The following DCAF13 variants were observed in gnomAD, a reference collection of about 807,000 sequenced individuals.
DCAF13 encodes the protein DDB1- and CUL4-associated factor 13.
DCAF13 carries 38 observed loss-of-function variants against 59.0 expected under a neutral mutation model. The ratio of observed to expected loss-of-function variants is 0.64; its 90% CI spans 0.50 to 0.84. The LOEUF is 0.84. DCAF13 is among the 40% of genes least tolerant of loss of function. The pLI, the probability that DCAF13 is intolerant of heterozygous loss-of-function variation, is 0.00. For synonymous variants in DCAF13, 173 were observed against 175.0 expected, an observed-to-expected ratio of 0.99 and a Z score of 0.09; for missense variants, 469 against 558.4, an observed-to-expected ratio of 0.84 and a Z score of 1.61.
At chr8:103,416,577 A>C (rs905176233) in intron 1 of DCAF13, among the ~76,000 whole-genome samples, 1 of 152,190 alleles carries the variant, frequency 6.6e-6, no homozygotes. Flanking sequence ...TTCACCGAAC[A>C]GTAATCTGTT....
chr8:103,420,739 A>C, intron 2 of DCAF13: 1 of 581,930 alleles, frequency 1.7e-6, no homozygotes, highest in Non-Finnish European at 3.0e-6. Context: ...TCAACACCTA[A>C]TTTCCTACTA....
At chr8:103,426,721 T>C (rs1374293695) in intron 4 of DCAF13, among the ~76,000 whole-genome samples, 1 of 152,144 alleles carries the variant, frequency 6.6e-6, no homozygotes, top group African/African-American at 2.4e-5. Flanking sequence ...GATTTAATCT[T>C]TAAATTAAAT....
chr8:103,432,938 G>T (rs1204181574), intron 7 of DCAF13, among the ~76,000 whole-genome samples, 197 bp downstream of exon 7: 1 of 152,122 alleles, frequency 6.6e-6, no homozygotes, highest in Admixed American at 6.6e-5. Flanking sequence ...TATTTAGAAT[G>T]ATGTAGACCA....
At chr8:103,430,161 C>T in intron 5 of DCAF13, 1 of 152,780 alleles carries the variant, frequency 6.5e-6, no homozygotes, top group South Asian at 2.1e-4. Context: ...GAGGCTGAGG[C>T]AGGTGGCTCA....
chr8:103,443,281 A>G lies in DCAF13; in HGVS notation c.*399A>G, dbSNP rs571744345. 6.5e-6 allele frequency: 1 copy of G among 153,028 alleles called. No homozygotes were observed. The highest frequency in any genetic ancestry group is 1.9e-4 in the East Asian group (1 of 5,234). 9.5% of individuals were successfully genotyped at this position (153,028 alleles called of 1,614,324 possible). On this transcript the variant is annotated 3_prime_UTR_variant, in exon 11 of 11. Coordinates refer to ENST00000612750, the MANE Select transcript of DCAF13 (RefSeq NM_015420.7). ...GATGTTTCTTCCTGTGATTCCACAT[A>G]ACATTTAGAATAATGATGTCAATTT...
intron 9 of DCAF13, 84 bp from the exon 10 acceptor site, chr8:103,441,370 AG>A: frequency 1.5e-6 from 2 of 1,297,858 alleles, no homozygotes; most frequent in Non-Finnish European, 2.1e-6. Context: ...AGATTAGGTT[AG>A]GGGGAAAAGG....
At chr8:103,436,082 G>A (rs1816928727) in intron 8 of DCAF13, among the ~76,000 whole-genome samples, 1 of 152,110 alleles carries the variant, frequency 6.6e-6, no homozygotes, top group South Asian at 2.1e-4. Context: ...GAAAAGTACA[G>A]TAAAAATCCA....
chr8:103,425,791 T>A (rs902753028), intron 3 of DCAF13, among the ~76,000 whole-genome samples: 2 of 152,224 alleles, frequency 1.3e-5, no homozygotes, highest in Non-Finnish European at 2.9e-5. Flanking sequence ...ATGCCATGTT[T>A]ATCACAATAT....
chr8:103,440,381 A>G, intron 9 of DCAF13, 110 bp downstream of exon 9: 1 of 972,122 alleles, frequency 1.0e-6, no homozygotes, highest in Non-Finnish European at 1.5e-6. Flanking sequence ...GATTAAATTG[A>G]CATAGCTGTG....
chr8:103,417,042 T>G (rs1159936552), intron 1 of DCAF13, among the ~76,000 whole-genome samples: 1 of 152,190 alleles, frequency 6.6e-6, no homozygotes, highest in Non-Finnish European at 1.5e-5. Context: ...ATGGACATTA[T>G]CATTTTGGGT....
Position 103,442,957 on chromosome 8 carries a change from G to A in DCAF13, c.*75G>A. 2 of 1,028,472 alleles carry A rather than the reference G, an allele frequency of 1.9e-6. No homozygotes were observed. Among genetic ancestry groups the A allele is most frequent in the Non-Finnish European group, 2.8e-6 (2 of 703,320 alleles). 63.7% of individuals were successfully genotyped at this position (1,028,472 alleles called of 1,614,324 possible). ...GAGAACTCTACAAATAAAAGTGCTG[G>A]GACTAGATTAATTGCAAACATTTTA... is the stretch of plus-strand genomic sequence containing the variant. On this transcript the variant is annotated 3_prime_UTR_variant, in exon 11 of 11. Transcript: ENST00000612750.
At chr8:103,419,354 A>G (rs909617086) in intron 1 of DCAF13, among the ~76,000 whole-genome samples, 1 of 152,172 alleles carries the variant, frequency 6.6e-6, no homozygotes, top group Non-Finnish European at 1.5e-5. Flanking sequence ...GTGAGATAGT[A>G]ATAGAACTTA....
rs368488034 is a variant in DCAF13 at position 103,415,765 on chromosome 8, G to T, written c.70+249G>T. On this transcript the variant is annotated intron_variant, in intron 1 of 10. Transcript: ENST00000612750. ...GTGGGAAACAGTTGTCTATAGTGGA[G>T]AAAAATTCCAGCTGCTGCTCTGGGA... is the stretch of plus-strand genomic sequence containing the variant. 1.4e-4 allele frequency among the ~76,000 whole-genome samples: 22 copies of T among 152,312 alleles called. No homozygotes were observed. In the East Asian group the frequency reaches 3.3e-3, roughly 23 times the overall value.
At chr8:103,435,945 G>A (rs1450724113) in intron 8 of DCAF13, among the ~76,000 whole-genome samples, 155 bp downstream of exon 8, 1 of 152,134 alleles carries the variant, frequency 6.6e-6, no homozygotes, top group South Asian at 2.1e-4. Context: ...GCACACCTAG[G>A]CTGTGTGGTC....
intron 1 of DCAF13, among the ~76,000 whole-genome samples, chr8:103,417,071 A>G (rs1018187894): frequency 5.9e-5 from 9 of 152,204 alleles, no homozygotes; most frequent in African/African-American, 2.2e-4. Context: ...TTTGTGAAGT[A>G]CAGGCATTCT....
intron 1 of DCAF13, 145 bp downstream of exon 1, chr8:103,415,661 A>G: frequency 1.3e-6 from 1 of 767,654 alleles, no homozygotes; most frequent in South Asian, 1.9e-5. Flanking sequence ...CTTTGTGCTT[A>G]CGGAGTCGCT....
At chr8:103,422,988 G>A (rs965648579) in intron 3 of DCAF13, among the ~76,000 whole-genome samples, 4 of 151,736 alleles carry the variant, frequency 2.6e-5, no homozygotes, top group Admixed American at 6.6e-5. Flanking sequence ...TAAAAGATTC[G>A]GTTTTGGTGT....
intron 1 of DCAF13, among the ~76,000 whole-genome samples, chr8:103,418,863 T>TAC (rs1563724090): frequency 2.5e-4 from 7 of 28,524 alleles, no homozygotes; most frequent in African/African-American, 1.7e-3. Context: ...TATATATATA[T>TAC]ATATTTTTTT....
At chr8:103,422,794 A>C (rs3098236) in intron 3 of DCAF13, among the ~76,000 whole-genome samples, 34,336 of 152,052 alleles carry the variant, frequency 0.23, 3,986 homozygotes, top group East Asian at 0.34. Flanking sequence ...GGTTGAGCTG[A>C]GTTATAAAAT....
Sources: allele counts gnomAD v4.1 joint callset (sites outside exome capture counted in the v4.1 genomes callset), GRCh38; gene constraint gnomAD v4.1.1; transcripts MANE v1.5; gene names NCBI Gene and HGNC (gene_info 2026-07-23, HGNC 2026-07-21).